The following JAZF1 variants were observed in gnomAD, a reference collection of about 807,000 sequenced individuals.
JAZF1 encodes JAZF zinc finger 1.
In JAZF1, 8 loss-of-function variants were observed where a neutral mutation model predicts 26.4. The observed-to-expected ratio is 0.30, with a 90% CI of 0.18 to 0.55. JAZF1 has a LOEUF of 0.55. JAZF1 is among the 20% of genes least tolerant of loss of function. JAZF1 has a pLI of 0.94. For missense variants in JAZF1, 199 were observed against 322.0 expected (o/e 0.62, Z 2.92); for synonymous variants, 126 against 122.3 (o/e 1.03, Z -0.20).
In JAZF1 at chr7:27,840,917, C is replaced by G; in HGVS notation, c.386-50G>C. 1 of 1,589,086 alleles carries G rather than the reference C, an allele frequency of 6.3e-7. No homozygotes were observed. Among genetic ancestry groups the G allele is most frequent in the Non-Finnish European group, 8.6e-7 (1 of 1,163,854 alleles). On this transcript the variant is annotated intron_variant, in intron 3 of 4. Coordinates refer to ENST00000283928, the MANE Select transcript of JAZF1 (RefSeq NM_175061.4). This position sits in a 1 kb window ranked among gnomAD's most constrained non-coding sequence, Gnocchi z 5.1. Reference sequence around the variant, plus strand: ...ACTGTCAGGAGCGCTCATCTCCCCACAGGTTCACCCGGCCACTTCCAGGAC... The same window carrying G: ...ACTGTCAGGAGCGCTCATCTCCCCAGAGGTTCACCCGGCCACTTCCAGGAC...
At chr7:28,127,510 G>A (rs552827593) in intron 1 of JAZF1, among the ~76,000 whole-genome samples, 8 of 152,016 alleles carry the variant, frequency 5.3e-5, no homozygotes, top group Non-Finnish European at 1.0e-4. Flanking sequence ...AACCCTTAGA[G>A]AGAAACACCA....
At chr7:28,083,760 G>C (rs1273238189) in intron 1 of JAZF1, among the ~76,000 whole-genome samples, 1 of 151,846 alleles carries the variant, frequency 6.6e-6, no homozygotes, top group African/African-American at 2.4e-5. Context: ...AGCCTTGTCC[G>C]CTGACCCAGC....
At chr7:28,141,247 C>T (rs1562600950) in intron 1 of JAZF1, among the ~76,000 whole-genome samples, 1 of 152,150 alleles carries the variant, frequency 6.6e-6, no homozygotes. Flanking sequence ...AATGAACAAG[C>T]ACCTCCTACA....
At chr7:27,964,797 G>A (rs1785247201) in intron 2 of JAZF1, among the ~76,000 whole-genome samples, 1 of 151,874 alleles carries the variant, frequency 6.6e-6, no homozygotes, top group South Asian at 2.1e-4. Context: ...GCCAACAATG[G>A]TAACTCATGA....
chr7:27,973,501 G>A (rs1785414465), intron 2 of JAZF1, among the ~76,000 whole-genome samples: 1 of 152,062 alleles, frequency 6.6e-6, no homozygotes, highest in Non-Finnish European at 1.5e-5. Flanking sequence ...GTCTTGCTTT[G>A]TTGCCAAGGC....
intron 1 of JAZF1, among the ~76,000 whole-genome samples, chr7:28,171,927 C>A (rs1783474853): frequency 6.6e-6 from 1 of 152,042 alleles, no homozygotes; most frequent in South Asian, 2.1e-4. Context: ...CAGATTCAGA[C>A]TTTTCTTATG....
At chr7:27,849,533 C>T (rs1783093038) in intron 3 of JAZF1, among the ~76,000 whole-genome samples, 1 of 152,090 alleles carries the variant, frequency 6.6e-6, no homozygotes, top group Admixed American at 6.6e-5. Flanking sequence ...GTTTCATAAC[C>T]ACTGTGGTGG....
chr7:27,949,539 GA>G (rs1280186044), intron 2 of JAZF1, among the ~76,000 whole-genome samples: 9 of 152,310 alleles, frequency 5.9e-5, no homozygotes, highest in African/African-American at 2.2e-4. Flanking sequence ...CGGCCAGGTG[GA>G]TCATGTGAGG....
chr7:27,956,182 C>T (rs916612252), intron 2 of JAZF1, among the ~76,000 whole-genome samples: 6 of 152,126 alleles, frequency 3.9e-5, no homozygotes, highest in African/African-American at 1.4e-4. Context: ...TATTTGGCTC[C>T]GAGATCTGTC....
intron 1 of JAZF1, among the ~76,000 whole-genome samples, chr7:28,160,941 T>C (rs1381882183): frequency 6.6e-6 from 1 of 152,180 alleles, no homozygotes; most frequent in Non-Finnish European, 1.5e-5. Context: ...ACAGCATTTT[T>C]TGACCTGAAA....
intron 1 of JAZF1, among the ~76,000 whole-genome samples, chr7:28,135,187 G>A (rs1782861716): frequency 6.6e-6 from 1 of 152,164 alleles, no homozygotes; most frequent in South Asian, 2.1e-4. Flanking sequence ...ACAGGTTTGA[G>A]TGAAACTTAA....
At chr7:27,888,512 T>TGG (rs1783910646) in intron 3 of JAZF1, among the ~76,000 whole-genome samples, 1 of 152,166 alleles carries the variant, frequency 6.6e-6, no homozygotes, top group Non-Finnish European at 1.5e-5. Flanking sequence ...AGATAGAGCT[T>TGG]CTAAATGCCA....
chr7:27,932,070 T>A (rs1240412956), intron 2 of JAZF1, among the ~76,000 whole-genome samples: 4 of 152,300 alleles, frequency 2.6e-5, no homozygotes, highest in African/African-American at 7.2e-5. Context: ...TTAATTTTTT[T>A]AAAAACAAGG....
rs975998322 is a variant in JAZF1 at position 27,840,606 on chromosome 7, C to T, written c.555+92G>A. 4.0e-5 allele frequency: 53 copies of T among 1,330,760 alleles called. No homozygotes were observed. The Admixed American group carries it at 6.3e-4, about 16-fold the overall frequency. The allele number at this position is 1,330,760 out of a possible 1,614,324, so 82.4% of individuals were successfully genotyped here. On this transcript the variant is annotated intron_variant, in intron 4 of 4. Coordinates refer to ENST00000283928, the MANE Select transcript of JAZF1 (RefSeq NM_175061.4). The surrounding 1 kb of genome is among the most constrained non-coding windows in gnomAD (Gnocchi z 5.1). ...GGGGAGTGTCTCCCCCCAGCCCATA[C>T]GCTCGCTTTAAAATCAAGAAAGGGC...
intron 2 of JAZF1, among the ~76,000 whole-genome samples, chr7:27,955,996 G>A (rs1785082482): frequency 6.6e-6 from 1 of 152,088 alleles, no homozygotes. Flanking sequence ...ACTCACTCTG[G>A]GGCAACTTGA....
intron 1 of JAZF1, among the ~76,000 whole-genome samples, chr7:28,122,957 C>T (rs1040256315): frequency 1.3e-5 from 2 of 152,092 alleles, no homozygotes; most frequent in Non-Finnish European, 2.9e-5. Flanking sequence ...GATATCCTAT[C>T]TAAAGATGCC....
At chr7:28,071,666 C>T (rs1289985537) in intron 1 of JAZF1, 13 of 471,000 alleles carry the variant, frequency 2.8e-5, no homozygotes, top group East Asian at 6.9e-5. Flanking sequence ...TATCCAGTGA[C>T]GGCACTTACA....
intron 1 of JAZF1, among the ~76,000 whole-genome samples, chr7:28,072,331 TAATA>T (rs1034340202): frequency 4.6e-5 from 7 of 152,228 alleles, no homozygotes; most frequent in African/African-American, 1.2e-4. Context: ...TGGCAGCATG[TAATA>T]AATAATTAAT....
At chr7:28,113,716 T>G (rs958386540) in intron 1 of JAZF1, among the ~76,000 whole-genome samples, 2 of 152,194 alleles carry the variant, frequency 1.3e-5, no homozygotes, top group African/African-American at 2.4e-5. Context: ...CACCACTACG[T>G]AGTGACAGTC....
Sources: allele counts gnomAD v4.1 joint callset (sites outside exome capture counted in the v4.1 genomes callset), GRCh38; gene constraint gnomAD v4.1.1; non-coding constraint Gnocchi (gnomAD v3.1); transcripts MANE v1.5; gene names NCBI Gene and HGNC (gene_info 2026-07-23, HGNC 2026-07-21).